CUL4B: variants seen among roughly 807,000 people sequenced by gnomAD.
The protein encoded by CUL4B is cullin-4B.
In CUL4B, 1 loss-of-function variant was observed where a neutral mutation model predicts 69.2. The observed-to-expected ratio is 0.01, with a 90% confidence interval of 0.01 to 0.07. The LOEUF is 0.07. Ranked by LOEUF, CUL4B falls within the 10% of genes least tolerant of loss-of-function variation. The probability of loss-of-function intolerance (pLI) is 1.00; values close to 1 mark genes in which losing one functional copy is unlikely to be tolerated. For synonymous variants in CUL4B, 237 were observed against 223.2 expected, an observed-to-expected ratio of 1.06 and a Z score of -0.55; for missense variants, 328 against 638.8, an observed-to-expected ratio of 0.51 and a Z score of 5.24.
chrX:120,547,089 G>C, intron 3 of CUL4B, 47 bp downstream of exon 3: 2 of 880,007 alleles, frequency 2.3e-6, no homozygotes, highest in Non-Finnish European at 3.4e-6. Flanking sequence ...GGTAGGGACA[G>C]AGAGGAAGAC....
intron 2 of CUL4B, among the ~76,000 whole-genome samples, chrX:120,573,153 A>G (rs1387150857): frequency 8.9e-6 from 1 of 111,941 alleles, no homozygotes; most frequent in Non-Finnish European, 1.9e-5. Flanking sequence ...ATTTATGTAC[A>G]TATATACTTG....
intron 2 of CUL4B, among the ~76,000 whole-genome samples, chrX:120,555,609 G>A (rs1376953405): frequency 9.0e-6 from 1 of 110,586 alleles, no homozygotes; most frequent in Non-Finnish European, 1.9e-5. Context: ...ACTCTGGGCA[G>A]GTTATTCAAC....
At chrX:120,561,047 C>T (rs985455532), upstream of CUL4B, 48 of 963,689 alleles carry the variant, frequency 5.0e-5, no homozygotes, top group Non-Finnish European at 5.7e-5. Flanking sequence ...GGGGAAAGAA[C>T]CAGGGCTTGT....
At chrX:120,559,791 G>C (rs1925175705) in intron 1 of CUL4B, 1 of 1,082,513 alleles carries the variant, frequency 9.2e-7, no homozygotes, top group Admixed American at 2.8e-5. Context: ...GCAAAATCCG[G>C]ATCAATCATA....
chrX:120,559,454 T>C (rs1265297015), intron 1 of CUL4B, among the ~76,000 whole-genome samples: 1 of 112,360 alleles, frequency 8.9e-6, no homozygotes, highest in Non-Finnish European at 1.9e-5. Context: ...ATAGATGTAG[T>C]AATTGTTCCT....
chrX:120,546,533 T>G lies in CUL4B; in HGVS notation c.846+14A>C, dbSNP rs1335450495. 4 of 1,178,960 alleles carry G rather than the reference T, an allele frequency of 3.4e-6. No individual in the cohort carries two copies. In the Admixed American group the frequency reaches 8.8e-5, roughly 26 times the overall value. The stretch of plus-strand genomic sequence containing the variant: ...ACAATGTTTAGCCGAAATACAATAC[T>G]TTTTCCAGCTTACCATTTGTCTGCA... On this transcript the variant is annotated intron_variant, in intron 4 of 19. Coordinates refer to ENST00000371322, the MANE Select transcript of CUL4B (RefSeq NM_001079872.2).
chrX:120,562,933 T>C (rs771382389), upstream of CUL4B, among the ~76,000 whole-genome samples: 2 of 111,981 alleles, frequency 1.8e-5, no homozygotes, highest in Non-Finnish European at 3.8e-5. Flanking sequence ...GTGACAGGAT[T>C]GTGAGTGGAG....
Position 120,560,757 on chromosome X carries a change from A to AG in CUL4B, c.-120_-119insC. 5 of 739,709 alleles carry AG rather than the reference A, an allele frequency of 6.8e-6. No individual in the cohort carries two copies. The highest frequency in any genetic ancestry group is 8.5e-6 in the Non-Finnish European group (5 of 591,574). The allele number at this position is 739,709 out of a possible 1,213,427, so 61.0% of individuals were successfully genotyped here. ...GAAGGGAAGAAAGAAGAGAGGAGAA[A>AG]CACAGAGGACGAGAAGGAAAGTGAA... is the stretch of plus-strand genomic sequence containing the variant. On this transcript the variant is annotated 5_prime_UTR_variant, in exon 1 of 20. Coordinates refer to ENST00000371322, the MANE Select transcript of CUL4B (RefSeq NM_001079872.2).
At chrX:120,553,917 TC>T (rs758451325) in intron 2 of CUL4B, among the ~76,000 whole-genome samples, 2 of 111,512 alleles carry the variant, frequency 1.8e-5, no homozygotes, top group East Asian at 5.6e-4. Context: ...CAAGACACAT[TC>T]TTTTTAAGCG....
At chrX:120,562,645 T>C (rs1443857897), upstream of CUL4B, among the ~76,000 whole-genome samples, 1 of 112,014 alleles carries the variant, frequency 8.9e-6, no homozygotes, top group African/African-American at 3.2e-5. Flanking sequence ...GTTTATGCTG[T>C]GTCTCAAAGT....
At chrX:120,535,475 C>A (rs113251042) in intron 16 of CUL4B, among the ~76,000 whole-genome samples, 1 of 109,956 alleles carries the variant, frequency 9.1e-6, no homozygotes, top group East Asian at 2.8e-4. Context: ...GAGGCCGAGG[C>A]GCGTGGATCA....
upstream of CUL4B, among the ~76,000 whole-genome samples, chrX:120,562,969 T>C (rs1044078809): frequency 4.5e-5 from 5 of 112,293 alleles, no homozygotes; most frequent in African/African-American, 1.6e-4. Context: ...TGGTATACCT[T>C]GTGATAGGTG....
chrX:120,572,720 A>G (rs1429565304), intron 2 of CUL4B, among the ~76,000 whole-genome samples: 2 of 111,500 alleles, frequency 1.8e-5, no homozygotes, highest in Non-Finnish European at 3.8e-5. Flanking sequence ...ATATTATATC[A>G]TGAACATCTT....
At chrX:120,540,029 A>G (rs1923898290) in intron 11 of CUL4B, among the ~76,000 whole-genome samples, 1 of 111,719 alleles carries the variant, frequency 9.0e-6, no homozygotes, top group Non-Finnish European at 1.9e-5. Flanking sequence ...TTTCTTTTTC[A>G]CTGACAACTG....
At position 120,546,624 on chromosome X, in the gene CUL4B, A is replaced by G. The variant is rs1166284720; in HGVS notation, c.777-8T>C. 6.1e-6 allele frequency: 7 copies of G among 1,154,552 alleles called. No individual in the cohort carries two copies. The African/African-American group carries it at 7.1e-5, about 12-fold the overall frequency. On this transcript the variant is annotated splice_polypyrimidine_tract_variant and splice_region_variant and intron_variant, in intron 3 of 19. Transcript: ENST00000371322. ...ACGCTATCCAATGAATCCCTGAAAC[A>G]TATGTTAAGGATATTTTAAAGCGTT...
At chrX:120,527,804 G>GA (rs1209509813) in intron 19 of CUL4B, among the ~76,000 whole-genome samples, 2 of 111,934 alleles carry the variant, frequency 1.8e-5, no homozygotes, top group East Asian at 5.6e-4. Flanking sequence ...TCAGATTTTG[G>GA]ATTCTCATTA....
chrX:120,553,515 T>C (rs1924802125), intron 2 of CUL4B, among the ~76,000 whole-genome samples: 2 of 112,138 alleles, frequency 1.8e-5, no homozygotes, highest in Middle Eastern at 4.6e-3. Flanking sequence ...TGGCCTAGGC[T>C]TGACTTTAAA....
intron 2 of CUL4B, among the ~76,000 whole-genome samples, chrX:120,548,783 G>T (rs928898868): frequency 9.1e-6 from 1 of 110,153 alleles, no homozygotes; most frequent in Non-Finnish European, 1.9e-5. Context: ...GCAGTGAGCC[G>T]AGATCACACC....
intron 19 of CUL4B, among the ~76,000 whole-genome samples, chrX:120,528,956 G>C (rs1225516214): frequency 2.7e-5 from 3 of 111,620 alleles, no homozygotes; most frequent in Non-Finnish European, 5.6e-5. Flanking sequence ...TTTGCTAATA[G>C]AAAGTTTTTC....
Sources: gnomAD v4.1 joint callset for allele counts (sites outside exome capture counted in the v4.1 genomes callset) on GRCh38, gnomAD v4.1.1 for gene constraint, MANE v1.5 for transcripts, NCBI Gene and HGNC (gene_info 2026-07-23, HGNC 2026-07-21) for gene names.